The following EYS variants were observed in gnomAD, a reference collection of about 807,000 sequenced individuals.
EYS encodes EGF-like photoreceptor maintenance factor.
Under a neutral mutation model 282.1 loss-of-function variants are expected in EYS, and 250 were observed. That is an observed-to-expected ratio of 0.89 (90% CI 0.80 to 0.98). The LOEUF (loss-of-function observed/expected upper bound fraction) is 0.98. EYS is among the 50% of genes least tolerant of loss of function. EYS has a pLI of 0.00. For missense variants in EYS, 4,016 were observed against 3,709.0 expected, an observed-to-expected ratio of 1.08 and a Z score of -2.15; for synonymous variants, 1,355 against 1,282.9, an observed-to-expected ratio of 1.06 and a Z score of -1.20.
intron 12 of EYS, among the ~76,000 whole-genome samples, chr6:65,141,591 C>A (rs547217172): frequency 1.3e-5 from 2 of 151,986 alleles, no homozygotes; most frequent in South Asian, 4.2e-4. Flanking sequence ...CTAAATAAAT[C>A]CAAACACACA....
intron 31 of EYS, among the ~76,000 whole-genome samples, chr6:64,162,139 A>G (rs1775126391): frequency 6.6e-6 from 1 of 152,152 alleles, no homozygotes; most frequent in Non-Finnish European, 1.5e-5. Context: ...CACCCACGTA[A>G]AAGGGTACAT....
At chr6:64,051,505 A>G (rs1770809518) in intron 33 of EYS, among the ~76,000 whole-genome samples, 2 of 152,142 alleles carry the variant, frequency 1.3e-5, no homozygotes, top group Admixed American at 1.3e-4. Flanking sequence ...GCAATTTCCC[A>G]TTACTGTTAA....
At chr6:64,722,056 G>A (rs1033791289) in intron 22 of EYS, among the ~76,000 whole-genome samples, 2 of 152,080 alleles carry the variant, frequency 1.3e-5, no homozygotes, top group East Asian at 3.9e-4. Flanking sequence ...GGCTGTAAAT[G>A]TTTCAACATA....
At chr6:64,053,581 A>T (rs1389898566) in intron 33 of EYS, among the ~76,000 whole-genome samples, 1 of 152,156 alleles carries the variant, frequency 6.6e-6, no homozygotes, top group Non-Finnish European at 1.5e-5. Context: ...TCTTCTTTAA[A>T]ATAAGTATAA....
Position 64,417,696 on chromosome 6 carries a change from C to T in EYS, c.5927+18478G>A, listed in dbSNP as rs552970196. On this transcript the variant is annotated intron_variant, in intron 28 of 42. Transcript: ENST00000503581. ...CTTTTTTTTTTTTTTTTTTTGACAG[C>T]GTCTCACTGTGTTGCCCAGGCTGGA... Among the ~76,000 whole-genome samples the T allele has an allele frequency of 1.6e-4, 18 of 116,120 alleles. No homozygotes were observed. In the South Asian group the frequency reaches 4.5e-3, roughly 29 times the overall value. The allele number at this position is 116,120 out of a possible 152,430, so 76.2% of individuals were successfully genotyped here.
intron 35 of EYS, among the ~76,000 whole-genome samples, chr6:63,966,233 A>G (rs1484731569): frequency 2.6e-5 from 4 of 152,210 alleles, no homozygotes; most frequent in African/African-American, 9.7e-5. Context: ...ATGAGATTGG[A>G]GACTATTATT....
chr6:65,313,732 C>T (rs900431473), intron 11 of EYS, among the ~76,000 whole-genome samples: 24 of 152,200 alleles, frequency 1.6e-4, no homozygotes, highest in African/African-American at 5.6e-4. Context: ...CCATCTCCTA[C>T]GTGGCCTTGT....
intron 2 of EYS, among the ~76,000 whole-genome samples, chr6:65,636,211 G>A (rs1767082914): frequency 6.6e-6 from 1 of 152,186 alleles, no homozygotes; most frequent in Non-Finnish European, 1.5e-5. Flanking sequence ...ATTTTTCAAT[G>A]ATTTGCTGTC....
chr6:65,183,697 G>GTTTTT (rs1765447863), intron 12 of EYS, among the ~76,000 whole-genome samples: 1 of 151,470 alleles, frequency 6.6e-6, no homozygotes, highest in African/African-American at 2.4e-5. Context: ...TTTCTACCCA[G>GTTTTT]TTAGTATTTT....
chr6:65,058,576 A>G (rs1773482600), intron 12 of EYS, among the ~76,000 whole-genome samples: 1 of 150,840 alleles, frequency 6.6e-6, no homozygotes. Flanking sequence ...CAGGGTGATG[A>G]ATTACTTTTT....
chr6:64,545,480 T>C (rs1362409335), intron 26 of EYS, among the ~76,000 whole-genome samples: 3 of 152,180 alleles, frequency 2.0e-5, no homozygotes, highest in Non-Finnish European at 2.9e-5. Context: ...ATGCCCTCTC[T>C]AACCACTCCT....
At chr6:65,171,515 A>C (rs909942013) in intron 12 of EYS, among the ~76,000 whole-genome samples, 1 of 151,140 alleles carries the variant, frequency 6.6e-6, no homozygotes, top group Non-Finnish European at 1.5e-5. Flanking sequence ...TGTAAGACCC[A>C]AAATGCCAGA....
intron 15 of EYS, among the ~76,000 whole-genome samples, chr6:64,921,458 A>G (rs1768344667): frequency 6.6e-6 from 1 of 152,180 alleles, no homozygotes. Context: ...AAGGAAAGAG[A>G]AGCAAAATAA....
chr6:64,317,287 C>T (rs1365910543), intron 29 of EYS, among the ~76,000 whole-genome samples: 1 of 151,118 alleles, frequency 6.6e-6, no homozygotes, highest in Admixed American at 6.6e-5. Flanking sequence ...AAAATCTATC[C>T]ATCTGACAAA....
At chr6:64,962,608 T>C (rs1316133385) in intron 14 of EYS, among the ~76,000 whole-genome samples, 1 of 151,612 alleles carries the variant, frequency 6.6e-6, no homozygotes, top group Non-Finnish European at 1.5e-5. Context: ...GTCATGGTGC[T>C]GTATGCCTGT....
chr6:64,087,118 A>G (rs1308688093), intron 31 of EYS, among the ~76,000 whole-genome samples: 2 of 152,178 alleles, frequency 1.3e-5, no homozygotes, highest in Non-Finnish European at 2.9e-5. Flanking sequence ...TCCTTAGCAT[A>G]TAACTTGGAA....
chr6:64,160,621 TTAAATC>T (rs1410732083), intron 31 of EYS, among the ~76,000 whole-genome samples: 1 of 152,230 alleles, frequency 6.6e-6, no homozygotes, highest in African/African-American at 2.4e-5. Flanking sequence ...TTGAAGTAGT[TTAAATC>T]TAAACTTAAT....
intron 30 of EYS, among the ~76,000 whole-genome samples, chr6:64,234,904 A>G (rs1428068470): frequency 2.0e-5 from 3 of 150,890 alleles, no homozygotes; most frequent in Non-Finnish European, 4.4e-5. Context: ...TTTGAGACAG[A>G]GTCTCGCTCT....
intron 36 of EYS, among the ~76,000 whole-genome samples, chr6:63,815,254 C>A (rs938827170): frequency 7.9e-5 from 12 of 152,134 alleles, no homozygotes; most frequent in Non-Finnish European, 1.5e-5. Context: ...GTGAGATGTA[C>A]TTCTACCTCA....
Sources: allele counts gnomAD v4.1 joint callset (sites outside exome capture counted in the v4.1 genomes callset), GRCh38; gene constraint gnomAD v4.1.1; transcripts MANE v1.5; gene names NCBI Gene and HGNC (gene_info 2026-07-23, HGNC 2026-07-21).